The following TAS1R2 variants were observed in gnomAD, a reference collection of about 807,000 sequenced individuals.
TAS1R2 encodes the protein taste 1 receptor member 2, also known as taste receptor type 1 member 2.
A neutral mutation model predicts 49.3 loss-of-function variants in TAS1R2; 47 were observed. The observed-to-expected ratio is 0.95, with a 90% CI of 0.75 to 1.22. The LOEUF (loss-of-function observed/expected upper bound fraction) is 1.22. TAS1R2 is among the 50% of genes most tolerant of loss of function. The pLI is 0.00. For synonymous variants in TAS1R2, 479 were observed against 467.9 expected (o/e 1.02, Z -0.31); for missense variants, 1,155 against 1,122.1 (o/e 1.03, Z -0.42).
chr1:18,851,264 T>G (rs969201331), intron 3 of TAS1R2, among the ~76,000 whole-genome samples: 1 of 152,086 alleles, frequency 6.6e-6, no homozygotes, highest in African/African-American at 2.4e-5. Flanking sequence ...ATAAAAGGAT[T>G]GGACCAGAAC....
At chr1:18,847,396 T>G (rs1933939819) in intron 4 of TAS1R2, among the ~76,000 whole-genome samples, 1 of 70,840 alleles carries the variant, frequency 1.4e-5, no homozygotes, top group South Asian at 4.4e-4. Flanking sequence ...TCTGTGATAC[T>G]TTGTGAGGCA....
chr1:18,854,674 G>A lies in TAS1R2; in HGVS notation c.796C>T (p.Gln266Ter), dbSNP rs1934101597. Residue 266 changes from glutamine to a stop codon, truncating the protein, a stop_gained, in exon 3 of 6, where the codon CAG (glutamine) becomes TAG (stop). Coordinates refer to ENST00000375371, the Ensembl canonical transcript of TAS1R2. LOFTEE classifies it high-confidence loss of function. The surrounding 1 kb of genome is among the most constrained non-coding windows in gnomAD (Gnocchi z 4.9). ...ACGACCACGACGCGCGCTGTGCTCTGCTGCAGCTTGTCCACAATGGTCACC... is the reference window on the plus strand; with the variant it reads ...ACGACCACGACGCGCGCTGTGCTCTACTGCAGCTTGTCCACAATGGTCACC... 6.2e-7 allele frequency: 1 copy of A among 1,613,916 alleles called. No homozygotes were observed. Among genetic ancestry groups the A allele is most frequent in the Non-Finnish European group, 8.5e-7 (1 of 1,179,958 alleles).
exon 6 of TAS1R2, chr1:18,840,136 C>G: frequency 6.2e-7 from 1 of 1,614,252 alleles, no homozygotes; most frequent in Non-Finnish European, 8.5e-7. Context: ...AGCGGCTGGC[C>G]ATCTTGAAGG....
rs372361461 is a variant in TAS1R2, at chr1:18,854,804, C to T, written c.666G>A (p.Leu222=). Reference sequence around the variant, plus strand: ...CGCGCCGGGCCACGCGCTCGCCAAGCAGCTGGCCATTGTCGCGGCCATAGG... The same window carrying T: ...CGCGCCGGGCCACGCGCTCGCCAAGTAGCTGGCCATTGTCGCGGCCATAGG... The change falls in exon 3 of 6, where the codon CTG becomes CTA. Residue 222 remains leucine, a synonymous_variant. Transcript: ENST00000375371. The surrounding 1 kb of genome is among the most constrained non-coding windows in gnomAD (Gnocchi z 4.9). 6.2e-7 allele frequency: 1 copy of T among 1,606,418 alleles called. No homozygotes were observed. Among genetic ancestry groups the T allele is most frequent in the South Asian group, 1.1e-5 (1 of 90,682 alleles).
chr1:18,857,894 C>T (rs576677807), intron 1 of TAS1R2, among the ~76,000 whole-genome samples: 8 of 152,190 alleles, frequency 5.3e-5, no homozygotes, highest in South Asian at 4.1e-4. Flanking sequence ...CATCACCACT[C>T]TACCAATGTC....
rs1346090931 is a variant in TAS1R2 at position 18,854,825 on chromosome 1, A to G, written c.645T>C (p.Tyr215=). 1 of 1,607,922 alleles carries G rather than the reference A, an allele frequency of 6.2e-7. No individual in the cohort carries two copies. Among genetic ancestry groups the G allele is most frequent in the Non-Finnish European group, 8.5e-7 (1 of 1,179,404 alleles). The stretch of plus-strand genomic sequence containing the variant: ...CAAGCAGCTGGCCATTGTCGCGGCC[A>G]TAGGTGTCGCTGCTCACCAGCACAA... The change falls in exon 3 of 6, where the codon TAT becomes TAC. Residue 215 remains tyrosine, a synonymous_variant. Coordinates refer to ENST00000375371, the Ensembl canonical transcript of TAS1R2. The surrounding 1 kb of genome is among the most constrained non-coding windows in gnomAD (Gnocchi z 4.9).
At chr1:18,847,906 C>T (rs1033164412) in intron 4 of TAS1R2, among the ~76,000 whole-genome samples, 4 of 152,220 alleles carry the variant, frequency 2.6e-5, no homozygotes, top group Non-Finnish European at 4.4e-5. Flanking sequence ...AAGCAAGTCA[C>T]GTCTTAAATG....
At chr1:18,851,154 C>G (rs538743172) in intron 3 of TAS1R2, among the ~76,000 whole-genome samples, 1 of 152,018 alleles carries the variant, frequency 6.6e-6, no homozygotes, top group Non-Finnish European at 1.5e-5. Context: ...TTACAATGTA[C>G]GAACAGGTGG....
At chr1:18,839,804 GAGGTGAAATAGA>G in exon 6 of TAS1R2, 1 of 1,614,252 alleles carries the variant, frequency 6.2e-7, no homozygotes, top group Non-Finnish European at 8.5e-7. Flanking sequence ...GGAGACGGAT[GAGGTGAAATAGA>G]AGGTCATGCT....
At chr1:18,852,238 C>A (rs1934042390) in intron 3 of TAS1R2, among the ~76,000 whole-genome samples, 1 of 152,108 alleles carries the variant, frequency 6.6e-6, no homozygotes. Flanking sequence ...GTGGTGTGAC[C>A]CAGCAAGGAG....
chr1:18,851,469 A>G (rs1262495266), intron 3 of TAS1R2, among the ~76,000 whole-genome samples: 1 of 152,168 alleles, frequency 6.6e-6, no homozygotes, highest in Non-Finnish European at 1.5e-5. Flanking sequence ...AGCTGGGATT[A>G]CAGACGCCCT....
At chr1:18,852,646 G>A (rs964915235) in intron 3 of TAS1R2, among the ~76,000 whole-genome samples, 1 of 152,048 alleles carries the variant, frequency 6.6e-6, no homozygotes, top group African/African-American at 2.4e-5. Flanking sequence ...TCTCCTTCGG[G>A]GCACTAGATG....
chr1:18,840,049 C>G, exon 6 of TAS1R2: 1 of 1,614,220 alleles, frequency 6.2e-7, no homozygotes, highest in Non-Finnish European at 8.5e-7. Context: ...CCACAATGAC[C>G]ATTTTGAGTA....
intron 4 of TAS1R2, among the ~76,000 whole-genome samples, chr1:18,844,525 C>T (rs193007484): frequency 2.6e-5 from 4 of 152,094 alleles, no homozygotes; most frequent in South Asian, 2.1e-4. Flanking sequence ...AGGCCAAGGT[C>T]GGCAGATCAA....
At chr1:18,855,101 G>T in intron 2 of TAS1R2, 115 bp from the exon 3 acceptor site, 1 of 1,342,406 alleles carries the variant, frequency 7.4e-7, no homozygotes, top group Non-Finnish European at 1.0e-6. Context: ...CCACCCCAGG[G>T]GTAGGTGGTT....
In TAS1R2 at chr1:18,859,523, C is replaced by T. The variant is rs1284348665; in HGVS notation, c.138G>A (p.Lys46=). The change falls in exon 1 of 6, where the codon AAG becomes AAA. Residue 46 remains lysine, a synonymous_variant. Transcript: ENST00000375371. ...GCAGGAAGTTAAGGTGAACAATGCC[C>T]TTCATGTTGGCATGGAGGGAGAAGA... 4.3e-6 allele frequency: 7 copies of T among 1,614,188 alleles called. No individual in the cohort carries two copies. In the Admixed American group the frequency reaches 8.3e-5, roughly 19 times the overall value.
In TAS1R2 at chr1:18,839,989, G is replaced by A. The variant is rs756479397; in HGVS notation, c.2130C>T (p.Pro710=). 136 of 1,614,092 alleles carry A rather than the reference G, an allele frequency of 8.4e-5. No individual in the cohort carries two copies. The Admixed American group carries it at 8.5e-4, about 10-fold the overall frequency. The change falls in exon 6 of 6, where the codon CCC becomes CCT. Residue 710 remains proline (P), a synonymous_variant. Coordinates refer to ENST00000375371, the Ensembl canonical transcript of TAS1R2. ...AGACAATTGTGATCTTGGGGTCATC[G>A]GGGTCAGTACGGGTGGTGGGACTGA...
chr1:18,849,163 G>C (rs542550196), intron 4 of TAS1R2, 178 bp downstream of exon 4: 5 of 692,240 alleles, frequency 7.2e-6, no homozygotes, highest in Non-Finnish European at 1.2e-5. Context: ...AACAGGCATA[G>C]TTCCCAATCA....
rs557688923 is a variant in TAS1R2, at chr1:18,854,659, C to T, written c.811G>A (p.Val271Ile). ...AGGTCGGGCGAGAACACGACCACGA[C>T]GCGCGCTGTGCTCTGCTGCAGCTTG... Residue 271 changes from valine (V) to isoleucine (I), a missense_variant, in exon 3 of 6, where the codon GTC becomes ATC. Coordinates refer to ENST00000375371, the Ensembl canonical transcript of TAS1R2. This position sits in a 1 kb window ranked among gnomAD's most constrained non-coding sequence, Gnocchi z 4.9. The T allele has an allele frequency of 9.3e-6, 15 of 1,614,024 alleles. No individual in the cohort carries two copies. The South Asian group carries it at 9.9e-5, about 11-fold the overall frequency.
Sources: gnomAD v4.1 joint callset for allele counts (sites outside exome capture counted in the v4.1 genomes callset) on GRCh38, gnomAD v4.1.1 for gene constraint, Gnocchi (gnomAD v3.1) non-coding constraint, MANE v1.5 for transcripts, NCBI Gene and HGNC (gene_info 2026-07-23, HGNC 2026-07-21) for gene names.